The following KIRREL3 variants were observed in gnomAD, a reference collection of about 807,000 sequenced individuals.
KIRREL3 encodes the protein kin of IRRE-like protein 3.
KIRREL3 carries 36 observed loss-of-function variants against 89.7 expected under a neutral mutation model. The observed-to-expected ratio is 0.40, with a 90% CI of 0.31 to 0.53. The LOEUF (loss-of-function observed/expected upper bound fraction) is 0.53. Ranked by LOEUF, KIRREL3 falls within the 20% of genes least tolerant of loss-of-function variation. The pLI is 0.49. For missense variants in KIRREL3, 864 were observed against 1,056.6 expected (o/e 0.82, Z 2.53); for synonymous variants, 445 against 441.4 (o/e 1.01, Z -0.10).
At chr11:126,853,053 C>A (rs147573620) in intron 1 of KIRREL3, among the ~76,000 whole-genome samples, 4 of 152,020 alleles carry the variant, frequency 2.6e-5, no homozygotes. Context: ...TTTTTTGTGT[C>A]GTGCAAGTTT....
Position 126,915,962 on chromosome 11 carries a change from G to A in KIRREL3, c.55+84493C>T, listed in dbSNP as rs529003773. Among the ~76,000 whole-genome samples, 3 of 152,158 alleles carry A rather than the reference G, an allele frequency of 2.0e-5. No homozygotes were observed. In the South Asian group the frequency reaches 6.2e-4, roughly 32 times the overall value. On this transcript the variant is annotated intron_variant, in intron 1 of 16. Coordinates refer to ENST00000525144, the MANE Select transcript of KIRREL3 (RefSeq NM_032531.4). Reference sequence around the variant, plus strand: ...CAGCAGGGCCTCATCTGCTCTCTTCGTGCAACCTCCCCCAGCCACAGAACA... The same window carrying A: ...CAGCAGGGCCTCATCTGCTCTCTTCATGCAACCTCCCCCAGCCACAGAACA...
intron 5 of KIRREL3, among the ~76,000 whole-genome samples, chr11:126,469,987 G>A (rs539871914): frequency 5.9e-5 from 9 of 152,344 alleles, no homozygotes; most frequent in African/African-American, 1.7e-4. Context: ...CCAGGCCTGC[G>A]ACTGCCTGGC....
At chr11:126,681,449 T>C (rs1403854223) in intron 1 of KIRREL3, among the ~76,000 whole-genome samples, 1 of 152,158 alleles carries the variant, frequency 6.6e-6, no homozygotes, top group East Asian at 1.9e-4. Context: ...TATATGTAAA[T>C]AGGACTTATT....
At chr11:126,851,199 T>TA (rs1427595191) in intron 1 of KIRREL3, among the ~76,000 whole-genome samples, 14 of 152,202 alleles carry the variant, frequency 9.2e-5, no homozygotes, top group Non-Finnish European at 1.8e-4. Flanking sequence ...TATTGTGCTT[T>TA]AAGGTGACAT....
In KIRREL3 at chr11:126,917,540, G is replaced by A. The variant is rs560523946; in HGVS notation, c.55+82915C>T. Among the ~76,000 whole-genome samples the A allele has an allele frequency of 5.3e-5, 8 of 152,038 alleles. No homozygotes were observed. Among genetic ancestry groups the A allele is most frequent in the African/African-American group, 9.7e-5 (4 of 41,386 alleles). On this transcript the variant is annotated intron_variant, in intron 1 of 16. Transcript: ENST00000525144. This position sits in a 1 kb window ranked among gnomAD's most constrained non-coding sequence, Gnocchi z 5.0. The stretch of plus-strand genomic sequence containing the variant: ...AACAACAAAAATCTTTCCAAACCAC[G>A]TAGCACCTCCACACCTATCCTGCCT...
intron 15 of KIRREL3, 115 bp from the exon 16 acceptor site, chr11:126,425,839 C>G (rs1954924047): frequency 1.3e-6 from 1 of 763,540 alleles, no homozygotes; most frequent in Non-Finnish European, 2.2e-6. Flanking sequence ...CCCACCACCC[C>G]TCACTGCCTG....
chr11:126,822,842 C>T (rs796720798), intron 1 of KIRREL3, among the ~76,000 whole-genome samples: 3 of 152,212 alleles, frequency 2.0e-5, no homozygotes, highest in Non-Finnish European at 2.9e-5. Context: ...TTCTTCAGAA[C>T]GGGGCTTCTA....
rs553861329 is a variant in KIRREL3 at position 126,475,715 on chromosome 11, C to T, written c.434-2249G>A. 8.5e-5 allele frequency among the ~76,000 whole-genome samples: 13 copies of T among 152,372 alleles called. No individual in the cohort carries two copies. In the East Asian group the frequency reaches 2.5e-3, roughly 29 times the overall value. Reference sequence around the variant, plus strand: ...CACCCCACACCCTTTCATTAGTGCCCATGGGCCTCCTTGGGGTGGGCCTGG... The same window carrying T: ...CACCCCACACCCTTTCATTAGTGCCTATGGGCCTCCTTGGGGTGGGCCTGG... On this transcript the variant is annotated intron_variant, in intron 4 of 16. Transcript: ENST00000525144. This position sits in a 1 kb window ranked among gnomAD's most constrained non-coding sequence, Gnocchi z 7.5.
chr11:126,710,917 T>C lies in KIRREL3; in HGVS notation c.56-148005A>G, dbSNP rs1010547666. 6.6e-6 allele frequency among the ~76,000 whole-genome samples: 1 copy of C among 152,208 alleles called. No individual in the cohort carries two copies. Among genetic ancestry groups the C allele is most frequent in the African/African-American group, 2.4e-5 (1 of 41,450 alleles). ...TGTCTTGACAGTAGTCTCAACCTGATAGGCCTCTTCACAATGTGCAGGCTG... is the reference window on the plus strand; with the variant it reads ...TGTCTTGACAGTAGTCTCAACCTGACAGGCCTCTTCACAATGTGCAGGCTG... On this transcript the variant is annotated intron_variant, in intron 1 of 16. Coordinates refer to ENST00000525144, the MANE Select transcript of KIRREL3 (RefSeq NM_032531.4). This position sits in a 1 kb window ranked among gnomAD's most constrained non-coding sequence, Gnocchi z 4.2.
At chr11:126,691,661 G>A (rs1946883045) in intron 1 of KIRREL3, among the ~76,000 whole-genome samples, 3 of 152,190 alleles carry the variant, frequency 2.0e-5, no homozygotes, top group Admixed American at 2.0e-4. Context: ...GCAAGTCAAT[G>A]ATGAACATAA....
At chr11:126,871,123 C>G (rs1945094244) in intron 1 of KIRREL3, among the ~76,000 whole-genome samples, 1 of 152,202 alleles carries the variant, frequency 6.6e-6, no homozygotes, top group Non-Finnish European at 1.5e-5. Context: ...TCAGTTCATC[C>G]CTCAAACAGC....
rs545536743 is a variant in KIRREL3 at position 126,551,795 on chromosome 11, G to A, written c.133+11040C>T. Among the ~76,000 whole-genome samples the A allele has an allele frequency of 2.0e-5, 3 of 152,130 alleles. No homozygotes were observed. In the South Asian group the frequency reaches 6.2e-4, roughly 32 times the overall value. ...TGAGTAGCTGGGATTACAGGCATGCGCCACCATGCCCGACTAATTTTTGTA... is the reference window on the plus strand; with the variant it reads ...TGAGTAGCTGGGATTACAGGCATGCACCACCATGCCCGACTAATTTTTGTA... On this transcript the variant is annotated intron_variant, in intron 2 of 16. Coordinates refer to ENST00000525144, the MANE Select transcript of KIRREL3 (RefSeq NM_032531.4). This position sits in a 1 kb window ranked among gnomAD's most constrained non-coding sequence, Gnocchi z 4.9.
At position 126,778,305 on chromosome 11, in the gene KIRREL3, C is replaced by T. The variant is rs1950228561; in HGVS notation, c.56-215393G>A. On this transcript the variant is annotated intron_variant, in intron 1 of 16. Transcript: ENST00000525144. The surrounding 1 kb of genome is among the most constrained non-coding windows in gnomAD (Gnocchi z 4.5). ...TTTGGAAACTAGTGCAAGAGGAGGC[C>T]AGGGGATTTGTCTTGAAGTTGTGTT... 6.6e-6 allele frequency among the ~76,000 whole-genome samples: 1 copy of T among 152,112 alleles called. No homozygotes were observed. The highest frequency in any genetic ancestry group is 6.6e-5 in the Admixed American group (1 of 15,264).
intron 1 of KIRREL3, among the ~76,000 whole-genome samples, chr11:126,658,774 C>G (rs922345037): frequency 6.6e-6 from 1 of 152,166 alleles, no homozygotes; most frequent in Non-Finnish European, 1.5e-5. Context: ...CTGCTTGATT[C>G]TGCAAGACTG....
intron 6 of KIRREL3, among the ~76,000 whole-genome samples, chr11:126,457,193 G>GTGTGTGTGTGTGTGTGTGTGTGTA (rs1244557564): frequency 0.13 from 19,727 of 148,182 alleles, 1,553 homozygotes; most frequent in East Asian, 0.27. Flanking sequence ...TTATGTGTGT[G>GTGTGTGTGTGTGTGTGTGTGTGTA]TGTGTGTGTG....
intron 1 of KIRREL3, among the ~76,000 whole-genome samples, chr11:126,717,917 G>C (rs3909725): frequency 2.0e-5 from 3 of 152,158 alleles, no homozygotes; most frequent in Middle Eastern, 3.4e-3. Context: ...CATCATAAAC[G>C]GCACAAATGG....
Position 126,911,016 on chromosome 11 carries a change from G to A in KIRREL3, c.55+89439C>T, listed in dbSNP as rs546561915. Among the ~76,000 whole-genome samples the A allele has an allele frequency of 2.6e-5, 4 of 152,304 alleles. No homozygotes were observed. The East Asian group carries it at 5.8e-4, about 22-fold the overall frequency. On this transcript the variant is annotated intron_variant, in intron 1 of 16. Transcript: ENST00000525144. The stretch of plus-strand genomic sequence containing the variant: ...CTCTGCACCTGCCCTGGGCCACAGG[G>A]ACTCTTTCTGCATTTTATCCTCTGT...
rs569645031 is a variant in KIRREL3 at position 126,715,160 on chromosome 11, G to A, written c.56-152248C>T. Among the ~76,000 whole-genome samples, 7 of 152,182 alleles carry A rather than the reference G, an allele frequency of 4.6e-5. No individual in the cohort carries two copies. The highest frequency in any genetic ancestry group is 1.2e-4 in the African/African-American group (5 of 41,454). ...CTAATAGAGTCTCTGTTTTGCCACC[G>A]GATAATTGTTTATTTCCTCTTTCAA... On this transcript the variant is annotated intron_variant, in intron 1 of 16. Coordinates refer to ENST00000525144, the MANE Select transcript of KIRREL3 (RefSeq NM_032531.4). The surrounding 1 kb of genome is among the most constrained non-coding windows in gnomAD (Gnocchi z 4.4).
chr11:126,641,773 A>G lies in KIRREL3; in HGVS notation c.56-78861T>C, dbSNP rs945534122. Among the ~76,000 whole-genome samples the G allele has an allele frequency of 1.3e-5, 2 of 152,146 alleles. No individual in the cohort carries two copies. Among genetic ancestry groups the G allele is most frequent in the African/African-American group, 4.8e-5 (2 of 41,432 alleles). On this transcript the variant is annotated intron_variant, in intron 1 of 16. Transcript: ENST00000525144. This position sits in a 1 kb window ranked among gnomAD's most constrained non-coding sequence, Gnocchi z 5.0. ...TATTATGCTATGTAAATACACCATT[A>G]TATATGAATTTATAGCATATGTGAG...
Sources: gnomAD v4.1 joint callset for allele counts (sites outside exome capture counted in the v4.1 genomes callset) on GRCh38, gnomAD v4.1.1 for gene constraint, Gnocchi (gnomAD v3.1) non-coding constraint, MANE v1.5 for transcripts, NCBI Gene and HGNC (gene_info 2026-07-23, HGNC 2026-07-21) for gene names.